RXFP1: variants seen among roughly 807,000 people sequenced by gnomAD.
The protein encoded by RXFP1 is relaxin family peptide receptor 1.
Under a neutral mutation model 89.8 loss-of-function variants are expected in RXFP1, and 73 were observed. The observed-to-expected ratio is 0.81, with a 90% CI of 0.67 to 0.99. The LOEUF is 0.99. Ranked by LOEUF, RXFP1 falls within the 50% of genes least tolerant of loss-of-function variation. The pLI, the probability that RXFP1 is intolerant of heterozygous loss-of-function variation, is 0.00. For synonymous variants in RXFP1, 277 were observed against 305.5 expected, an observed-to-expected ratio of 0.91 and a Z score of 0.97; for missense variants, 793 against 895.5, an observed-to-expected ratio of 0.89 and a Z score of 1.46.
At chr4:158,620,522 A>G (rs907513624) in intron 9 of RXFP1, among the ~76,000 whole-genome samples, 1 of 152,130 alleles carries the variant, frequency 6.6e-6, no homozygotes, top group African/African-American at 2.4e-5. Flanking sequence ...ACTGCTGAAA[A>G]CCAAAGATAA....
chr4:158,590,529 ATT>A (rs1382522716), intron 2 of RXFP1, among the ~76,000 whole-genome samples: 1 of 152,110 alleles, frequency 6.6e-6, no homozygotes, highest in African/African-American at 2.4e-5. Flanking sequence ...GAAATTTCTC[ATT>A]CTCATTCTAA....
intron 1 of RXFP1, among the ~76,000 whole-genome samples, chr4:158,534,789 C>T (rs1006896326): frequency 6.6e-6 from 1 of 151,066 alleles, no homozygotes; most frequent in Admixed American, 6.6e-5. Context: ...TATCTGATTC[C>T]CAAGCCTGAG....
Position 158,622,389 on chromosome 4 carries a change from C to G in RXFP1, c.756-4431C>G, listed in dbSNP as rs572271057. 1.1e-4 allele frequency among the ~76,000 whole-genome samples: 17 copies of G among 152,226 alleles called. No individual in the cohort carries two copies. In the South Asian group the frequency reaches 3.3e-3, roughly 30 times the overall value. On this transcript the variant is annotated intron_variant, in intron 9 of 17. Coordinates refer to ENST00000307765, the MANE Select transcript of RXFP1 (RefSeq NM_021634.4). ...TCTGGGTATATATCCAAAGGAAATT[C>G]CATTAGTATGTCAAAGAGATATCTT...
rs572290028 is a variant in RXFP1, at chr4:158,582,663, C to G, written c.187+9828C>G. Among the ~76,000 whole-genome samples the G allele has an allele frequency of 3.9e-5, 6 of 152,306 alleles. No homozygotes were observed. In the East Asian group the frequency reaches 5.8e-4, roughly 15 times the overall value. On this transcript the variant is annotated intron_variant, in intron 2 of 17. Transcript: ENST00000307765. Reference sequence around the variant, plus strand: ...CTAGGCCCTTATGGCCATTTCTCCTCTACTATTCCTGTGTCAAGCCAGAGT... The same window carrying G: ...CTAGGCCCTTATGGCCATTTCTCCTGTACTATTCCTGTGTCAAGCCAGAGT...
At chr4:158,629,762 C>T (rs982338433) in intron 11 of RXFP1, among the ~76,000 whole-genome samples, 3 of 151,754 alleles carry the variant, frequency 2.0e-5, no homozygotes, top group Admixed American at 6.6e-5. Context: ...TGTGTAGCTA[C>T]GACTATAGCA....
chr4:158,605,543 C>T (rs572337476), intron 5 of RXFP1, among the ~76,000 whole-genome samples: 9 of 152,288 alleles, frequency 5.9e-5, no homozygotes, highest in Admixed American at 4.6e-4. Context: ...CATGTGTTTT[C>T]AAATTCATTA....
intron 1 of RXFP1, among the ~76,000 whole-genome samples, chr4:158,531,518 C>T (rs1372454958): frequency 2.0e-5 from 3 of 152,178 alleles, no homozygotes; most frequent in African/African-American, 4.8e-5. Context: ...AGAATCCACC[C>T]TTCGGTTTTT....
chr4:158,635,609 G>A (rs1283527667), intron 12 of RXFP1, among the ~76,000 whole-genome samples: 2 of 151,984 alleles, frequency 1.3e-5, no homozygotes, highest in African/African-American at 4.8e-5. Flanking sequence ...CACTCTTAAG[G>A]GAAAGCTTTT....
intron 2 of RXFP1, among the ~76,000 whole-genome samples, chr4:158,585,691 A>G (rs1015126177): frequency 6.6e-6 from 1 of 152,210 alleles, no homozygotes; most frequent in Non-Finnish European, 1.5e-5. Context: ...AAAAAAGATA[A>G]AAGTACCTTA....
At chr4:158,625,029 AAAT>A (rs1447529506) in intron 9 of RXFP1, among the ~76,000 whole-genome samples, 4 of 151,896 alleles carry the variant, frequency 2.6e-5, no homozygotes, top group African/African-American at 9.7e-5. Flanking sequence ...GTAAGTAACT[AAAT>A]AGGAACATCA....
At chr4:158,553,044 C>T (rs6850773) in intron 1 of RXFP1, among the ~76,000 whole-genome samples, 2 of 151,900 alleles carry the variant, frequency 1.3e-5, no homozygotes, top group Non-Finnish European at 2.9e-5. Flanking sequence ...TAAAAAATAG[C>T]CATAAGTGGT....
In RXFP1 at chr4:158,638,811, C is replaced by CAA. The variant is rs57989269; in HGVS notation, c.1044-434_1044-433dup. ...TGGGCAACAGAGGAAGACCCTGTCT[C>CAA]AAAAAAAAAAAAAAAAGGTAAGCTT... is the stretch of plus-strand genomic sequence containing the variant. On this transcript the variant is annotated intron_variant, in intron 13 of 17. Transcript: ENST00000307765. 4.0e-3 allele frequency among the ~76,000 whole-genome samples: 509 copies of CAA among 127,894 alleles called. 3 individuals are homozygous for CAA. Among genetic ancestry groups the CAA allele is most frequent in the East Asian group, 0.012 (55 of 4,514 alleles). The allele number at this position is 127,894 out of a possible 152,430, so 83.9% of individuals were successfully genotyped here.
At chr4:158,578,942 C>A (rs997005570) in intron 2 of RXFP1, among the ~76,000 whole-genome samples, 1 of 149,430 alleles carries the variant, frequency 6.7e-6, no homozygotes, top group Non-Finnish European at 1.5e-5. Context: ...AATAATGTGA[C>A]CTTATTTGGA....
chr4:158,603,017 A>ACCTGAG (rs1761976272), intron 4 of RXFP1, among the ~76,000 whole-genome samples: 1 of 152,148 alleles, frequency 6.6e-6, no homozygotes, highest in South Asian at 2.1e-4. Flanking sequence ...TGCAGCCTTG[A>ACCTGAG]CCTCTGAGGC....
At chr4:158,641,088 A>C (rs1205975631) in intron 14 of RXFP1, among the ~76,000 whole-genome samples, 1 of 152,234 alleles carries the variant, frequency 6.6e-6, no homozygotes, top group Non-Finnish European at 1.5e-5. Flanking sequence ...TTGTATTTTA[A>C]GTCTAACACA....
chr4:158,624,855 A>C (rs1432300240), intron 9 of RXFP1, among the ~76,000 whole-genome samples: 1 of 152,164 alleles, frequency 6.6e-6, no homozygotes, highest in Non-Finnish European at 1.5e-5. Context: ...GGAGGGGGGA[A>C]AAACAGTAAA....
At chr4:158,639,635 C>T (rs1386256345) in intron 14 of RXFP1, among the ~76,000 whole-genome samples, 2 of 152,004 alleles carry the variant, frequency 1.3e-5, no homozygotes, top group East Asian at 1.9e-4. Flanking sequence ...TTTGGGCGGC[C>T]GAGGTGGGTG....
chr4:158,636,542 A>G (rs1453396076), intron 12 of RXFP1, among the ~76,000 whole-genome samples: 1 of 152,202 alleles, frequency 6.6e-6, no homozygotes, highest in Non-Finnish European at 1.5e-5. Flanking sequence ...CAAGCTGGGC[A>G]CTGTTCTAAG....
chr4:158,569,108 G>A (rs1579695390), intron 1 of RXFP1, among the ~76,000 whole-genome samples: 3 of 152,194 alleles, frequency 2.0e-5, no homozygotes, highest in Admixed American at 2.0e-4. Flanking sequence ...GCACACAGGT[G>A]TTTATAGCAG....
Sources: gnomAD v4.1 joint callset for allele counts (sites outside exome capture counted in the v4.1 genomes callset) on GRCh38, gnomAD v4.1.1 for gene constraint, MANE v1.5 for transcripts, NCBI Gene and HGNC (gene_info 2026-07-23, HGNC 2026-07-21) for gene names.